The following EYS variants were observed in gnomAD, a reference collection of about 807,000 sequenced individuals.
EYS encodes the protein EGF-like photoreceptor maintenance factor, also known as protein eyes shut homolog.
A neutral mutation model predicts 282.1 loss-of-function variants in EYS; 250 were observed. The ratio of observed to expected loss-of-function variants is 0.89; its 90% confidence interval spans 0.80 to 0.98. The LOEUF (loss-of-function observed/expected upper bound fraction) is 0.98. Ranked by LOEUF, EYS falls within the 50% of genes least tolerant of loss-of-function variation. The pLI is 0.00. For missense variants in EYS, 4,016 were observed against 3,709.0 expected (o/e 1.08, Z -2.15); for synonymous variants, 1,355 against 1,282.9 (o/e 1.06, Z -1.20).
chr6:64,873,624 A>G (rs1339638091), intron 19 of EYS, among the ~76,000 whole-genome samples: 2 of 152,102 alleles, frequency 1.3e-5, no homozygotes, highest in East Asian at 1.9e-4. Flanking sequence ...ATCACATTTT[A>G]TGGGTGCCAT....
At chr6:65,015,376 G>A (rs991623410) in intron 13 of EYS, among the ~76,000 whole-genome samples, 1 of 152,142 alleles carries the variant, frequency 6.6e-6, no homozygotes, top group African/African-American at 2.4e-5. Context: ...TCACTAATTT[G>A]AAATAACATC....
chr6:65,188,282 A>G (rs771391834), intron 12 of EYS, among the ~76,000 whole-genome samples: 2 of 151,784 alleles, frequency 1.3e-5, no homozygotes, highest in Non-Finnish European at 2.9e-5. Flanking sequence ...GAGACTGTCA[A>G]TATATAAACT....
In EYS at chr6:64,655,897, G is replaced by A. The variant is rs367786758; in HGVS notation, c.3444-29652C>T. Among the ~76,000 whole-genome samples, 543 of 152,078 alleles carry A rather than the reference G, an allele frequency of 3.6e-3. 3 individuals are homozygous for A. The highest frequency in any genetic ancestry group is 0.013 in the African/African-American group (528 of 41,498). ...ATGATCATAGCATTGTTTCTTAACT[G>A]TTTTATGAGTTAACACCTAAAAATA... On this transcript the variant is annotated intron_variant, in intron 22 of 42. Transcript: ENST00000503581.
chr6:64,591,720 A>G lies in EYS; in HGVS notation c.4147T>C (p.Phe1383Leu). The change falls in exon 26 of 43, where the codon TTT (phenylalanine) becomes CTT (leucine). Residue 1383 changes from phenylalanine (F) to leucine (L), a missense_variant. By Grantham distance (22) the Phe-to-Leu change is conservative. Coordinates refer to ENST00000503581, the MANE Select transcript of EYS (RefSeq NM_001142800.2). ...GTCCTTGCTCTCCTATCAGGAAAAA[A>G]GAAACCTAGTGTGGCTGCTGAAGTT... is the stretch of plus-strand genomic sequence containing the variant. ...IRTSAATLGF[F>L]FPDRRARTPF... is the part of the protein sequence containing the mutation. 1 of 1,551,386 alleles carries G rather than the reference A, an allele frequency of 6.4e-7. No homozygotes were observed. Among genetic ancestry groups the G allele is most frequent in the Non-Finnish European group, 8.7e-7 (1 of 1,146,776 alleles).
intron 5 of EYS, among the ~76,000 whole-genome samples, chr6:65,483,146 C>A (rs1022910297): frequency 5.3e-5 from 8 of 151,790 alleles, no homozygotes; most frequent in Non-Finnish European, 1.0e-4. Flanking sequence ...TATTTTAATT[C>A]TTAATTTTAC....
At chr6:64,473,330 G>A (rs1776172463) in intron 26 of EYS, among the ~76,000 whole-genome samples, 1 of 152,098 alleles carries the variant, frequency 6.6e-6, no homozygotes, top group Admixed American at 6.5e-5. Flanking sequence ...TTATCTTAAT[G>A]TGAAATATTT....
intron 12 of EYS, among the ~76,000 whole-genome samples, chr6:65,258,440 C>T (rs950269295): frequency 3.9e-5 from 6 of 151,924 alleles, no homozygotes; most frequent in African/African-American, 1.2e-4. Flanking sequence ...TGATTATTGA[C>T]GTATTTAACA....
At chr6:63,974,330 T>G (rs1766729923) in intron 35 of EYS, among the ~76,000 whole-genome samples, 1 of 152,018 alleles carries the variant, frequency 6.6e-6, no homozygotes, top group Admixed American at 6.6e-5. Context: ...AAAAAAACCA[T>G]TAATAAATAG....
chr6:64,329,738 C>T (rs757586390), intron 29 of EYS, among the ~76,000 whole-genome samples: 7 of 152,248 alleles, frequency 4.6e-5, no homozygotes, highest in Non-Finnish European at 8.8e-5. Context: ...CTTCTTGGAA[C>T]ACTCCATTGC....
intron 14 of EYS, among the ~76,000 whole-genome samples, chr6:64,970,909 G>A (rs1770271043): frequency 6.6e-6 from 1 of 152,136 alleles, no homozygotes; most frequent in Admixed American, 6.5e-5. Context: ...CATCACTGCA[G>A]CTACATCAGC....
intron 2 of EYS, among the ~76,000 whole-genome samples, chr6:65,561,422 T>A (rs1769053287): frequency 1.3e-5 from 2 of 152,164 alleles, no homozygotes; most frequent in African/African-American, 2.4e-5. Flanking sequence ...CTCAAATATT[T>A]ATAGTGCAGT....
chr6:64,761,600 GC>G (rs1773160492), intron 22 of EYS, among the ~76,000 whole-genome samples: 1 of 152,118 alleles, frequency 6.6e-6, no homozygotes, highest in Non-Finnish European at 1.5e-5. Context: ...GGGACTACTG[GC>G]GCATGCCACC....
At chr6:64,747,831 CCTT>C (rs1310484441) in intron 22 of EYS, among the ~76,000 whole-genome samples, 1 of 152,158 alleles carries the variant, frequency 6.6e-6, no homozygotes, top group Non-Finnish European at 1.5e-5. Flanking sequence ...ATTAGAATGA[CCTT>C]CTTTATCTTT....
chr6:64,986,683 T>A (rs1475317574), intron 14 of EYS, among the ~76,000 whole-genome samples: 1 of 151,412 alleles, frequency 6.6e-6, no homozygotes, highest in Non-Finnish European at 1.5e-5. Context: ...GTTAGACTAA[T>A]ACACAGTAAA....
At chr6:65,189,513 G>T (rs78193170) in intron 12 of EYS, among the ~76,000 whole-genome samples, 2,921 of 151,716 alleles carry the variant, frequency 0.019, 166 homozygotes, top group East Asian at 0.14. Context: ...ATAAAATATT[G>T]CCCCATTAAA....
chr6:65,639,299 A>C (rs1213695370), intron 2 of EYS, among the ~76,000 whole-genome samples: 1 of 152,172 alleles, frequency 6.6e-6, no homozygotes, highest in Non-Finnish European at 1.5e-5. Flanking sequence ...AGTTTCAGGA[A>C]GAATTTTCCA....
chr6:64,203,062 C>A (rs1018715701), intron 31 of EYS, among the ~76,000 whole-genome samples: 1 of 152,102 alleles, frequency 6.6e-6, no homozygotes, highest in African/African-American at 2.4e-5. Flanking sequence ...TAAGGTGGCA[C>A]GACAAGAGTT....
chr6:63,920,921 C>G (rs559356772), intron 35 of EYS, among the ~76,000 whole-genome samples: 4 of 150,976 alleles, frequency 2.6e-5, no homozygotes, highest in African/African-American at 9.7e-5. Flanking sequence ...GAGACAGAGT[C>G]TCACTCTGTT....
chr6:64,759,125 C>T (rs1393029161), intron 22 of EYS, among the ~76,000 whole-genome samples: 1 of 149,128 alleles, frequency 6.7e-6, no homozygotes, highest in Admixed American at 6.8e-5. Context: ...GGCGACAGAG[C>T]GAGACTCCAT....
Sources: allele counts gnomAD v4.1 joint callset (sites outside exome capture counted in the v4.1 genomes callset), GRCh38; gene constraint gnomAD v4.1.1; transcripts MANE v1.5; gene names NCBI Gene and HGNC (gene_info 2026-07-23, HGNC 2026-07-21).